Variants in TYW1 observed in about 807,000 individuals in gnomAD.
TYW1 encodes tRNA-yW synthesizing protein 1 homolog.
A neutral mutation model predicts 96.2 loss-of-function variants in TYW1; 46 were observed. That is an observed-to-expected ratio of 0.48 (90% CI 0.38 to 0.61). The LOEUF is 0.61. TYW1 is among the 20% of genes least tolerant of loss of function. TYW1 has a pLI of 0.00. For missense variants in TYW1, 684 were observed against 909.6 expected (o/e 0.75, Z 3.19); for synonymous variants, 274 against 323.0 (o/e 0.85, Z 1.63).
At chr7:67,024,153 T>G (rs1009528510) in intron 6 of TYW1, among the ~76,000 whole-genome samples, 2 of 152,106 alleles carry the variant, frequency 1.3e-5, no homozygotes, top group African/African-American at 4.8e-5. Flanking sequence ...TTCACAGTTG[T>G]TAGTCTGATG....
intron 13 of TYW1, among the ~76,000 whole-genome samples, chr7:67,135,129 GAATGAATC>G (rs1455711398): frequency 1.3e-5 from 2 of 151,588 alleles, no homozygotes; most frequent in Non-Finnish European, 2.9e-5. Flanking sequence ...TAGAATGGAT[GAATGAATC>G]AATGAATACA....
intron 13 of TYW1, among the ~76,000 whole-genome samples, chr7:67,147,980 A>G (rs11771105): frequency 0.26 from 39,127 of 151,418 alleles, 5,544 homozygotes; most frequent in African/African-American, 0.38. Context: ...TTGACAAATC[A>G]GAGATTATTG....
At chr7:67,116,324 C>CA (rs58820405) in intron 12 of TYW1, among the ~76,000 whole-genome samples, 34,091 of 112,218 alleles carry the variant, frequency 0.3, 4,402 homozygotes, top group Middle Eastern at 0.35. Flanking sequence ...GAATCCATCT[C>CA]AAAAAAAAAA....
At chr7:67,012,134 T>A (rs1182129606) in intron 4 of TYW1, among the ~76,000 whole-genome samples, 1 of 152,024 alleles carries the variant, frequency 6.6e-6, no homozygotes, top group African/African-American at 2.4e-5. Flanking sequence ...GGTGGATCGC[T>A]TGAGCTCAGA....
chr7:67,055,086 T>G (rs1296254607), intron 8 of TYW1, among the ~76,000 whole-genome samples: 1 of 152,218 alleles, frequency 6.6e-6, no homozygotes, highest in African/African-American at 2.4e-5. Flanking sequence ...TCATTACTTT[T>G]GTTTTATGGC....
At chr7:67,001,597 T>C (rs753849608) in intron 3 of TYW1, among the ~76,000 whole-genome samples, 10 of 151,558 alleles carry the variant, frequency 6.6e-5, no homozygotes, top group Non-Finnish European at 1.3e-4. Flanking sequence ...AGTTTTTGTA[T>C]TTTTAGTAGA....
intron 1 of TYW1, among the ~76,000 whole-genome samples, chr7:66,997,606 G>A (rs1427641587): frequency 6.6e-6 from 1 of 152,100 alleles, no homozygotes; most frequent in East Asian, 1.9e-4. Context: ...ACTACATAGT[G>A]TGTTATTTTT....
chr7:67,086,966 G>A (rs1326259640), intron 11 of TYW1, among the ~76,000 whole-genome samples: 1 of 152,130 alleles, frequency 6.6e-6, no homozygotes, highest in African/African-American at 2.4e-5. Flanking sequence ...GAGGATGTGT[G>A]TTTCCTGGAC....
intron 14 of TYW1, 34 bp downstream of exon 14, chr7:67,183,270 A>T (rs1799899155): frequency 6.4e-7 from 1 of 1,570,184 alleles, no homozygotes; most frequent in Non-Finnish European, 8.6e-7. Flanking sequence ...GCTGTGGTGG[A>T]GTGACAAAGA....
intron 6 of TYW1, 62 bp downstream of exon 6, chr7:67,018,205 G>C: frequency 6.4e-7 from 1 of 1,562,494 alleles, no homozygotes; most frequent in Non-Finnish European, 8.7e-7. Flanking sequence ...TCTCGAGCTT[G>C]ACCTCTTTCT....
At chr7:67,076,729 G>A (rs1796219837) in intron 10 of TYW1, among the ~76,000 whole-genome samples, 2 of 150,594 alleles carry the variant, frequency 1.3e-5, no homozygotes, top group Admixed American at 1.3e-4. Flanking sequence ...GCCTCCCTTG[G>A]CCTTCCAAAG....
intron 12 of TYW1, among the ~76,000 whole-genome samples, chr7:67,110,979 TG>T (rs1162869337): frequency 1.3e-5 from 2 of 152,074 alleles, no homozygotes; most frequent in Non-Finnish European, 2.9e-5. Context: ...CACTCCAGCC[TG>T]GGGGACAGAG....
At chr7:67,159,033 T>C (rs4382353) in intron 13 of TYW1, among the ~76,000 whole-genome samples, 39,437 of 152,146 alleles carry the variant, frequency 0.26, 5,602 homozygotes, top group African/African-American at 0.38. Context: ...ATTTCTGCTC[T>C]GACTTTTATA....
intron 13 of TYW1, among the ~76,000 whole-genome samples, chr7:67,174,620 A>G (rs73140602): frequency 0.28 from 42,430 of 151,476 alleles, 6,477 homozygotes; most frequent in African/African-American, 0.4. Context: ...AAAAAAAAGA[A>G]CAGAGCAGTA....
At chr7:67,021,118 C>T (rs1320151378) in intron 6 of TYW1, among the ~76,000 whole-genome samples, 1 of 152,278 alleles carries the variant, frequency 6.6e-6, no homozygotes, top group East Asian at 1.9e-4. Context: ...AACATCTTTT[C>T]TTCCCTAGGG....
chr7:67,067,014 T>C (rs1482569474), intron 9 of TYW1: 1 of 459,234 alleles, frequency 2.2e-6, no homozygotes, highest in South Asian at 2.4e-5. Context: ...TGAAGGAGTC[T>C]GATGGATTTG....
At chr7:67,185,487 CT>C (rs1217569148) in intron 14 of TYW1, among the ~76,000 whole-genome samples, 2 of 152,040 alleles carry the variant, frequency 1.3e-5, no homozygotes, top group Admixed American at 1.3e-4. Flanking sequence ...AAACATTTTG[CT>C]AGATTATAGG....
chr7:67,151,849 C>T (rs2116169711), intron 13 of TYW1, among the ~76,000 whole-genome samples: 1 of 151,986 alleles, frequency 6.6e-6, no homozygotes. Context: ...CTCTTTTGAC[C>T]AGGCTGGGGT....
intron 14 of TYW1, among the ~76,000 whole-genome samples, chr7:67,189,664 T>A (rs1800149079): frequency 6.6e-6 from 1 of 152,160 alleles, no homozygotes. Context: ...ATCTCTTTAA[T>A]AAGTTTGTTT....
Sources: allele counts gnomAD v4.1 joint callset (sites outside exome capture counted in the v4.1 genomes callset), GRCh38; gene constraint gnomAD v4.1.1; transcripts MANE v1.5; gene names NCBI Gene and HGNC (gene_info 2026-07-23, HGNC 2026-07-21).